The following RBFOX1 variants were observed in gnomAD, a reference collection of about 807,000 sequenced individuals.
RBFOX1 encodes RNA binding fox-1 homolog 1, also known as RNA binding protein fox-1 homolog 1.
RBFOX1 carries 8 observed loss-of-function variants against 57.7 expected under a neutral mutation model. The ratio of observed to expected loss-of-function variants is 0.14; its 90% CI spans 0.08 to 0.25. The LOEUF (loss-of-function observed/expected upper bound fraction) is 0.25, where lower values mean the gene tolerates loss of function less well. Among genes scored for constraint, RBFOX1 ranks in the 10% least tolerant of loss-of-function variants. The probability of loss-of-function intolerance (pLI) is 1.00; values close to 1 mark genes in which losing one functional copy is unlikely to be tolerated. For missense variants in RBFOX1, 611 were observed against 548.5 expected, an observed-to-expected ratio of 1.11 and a Z score of -1.14; for synonymous variants, 326 against 222.4, an observed-to-expected ratio of 1.47 and a Z score of -4.15.
chr16:6,164,973 A>G (rs7191108), intron 1 of RBFOX1, among the ~76,000 whole-genome samples: 14,441 of 152,180 alleles, frequency 0.095, 1,591 homozygotes, highest in African/African-American at 0.27. Context: ...CTCAATATGA[A>G]ATGGCATATT....
At chr16:7,244,247 C>CA (rs60054791) in intron 4 of RBFOX1, among the ~76,000 whole-genome samples, 4,638 of 97,642 alleles carry the variant, frequency 0.048, 66 homozygotes, top group East Asian at 0.078. Context: ...CAAAGTATTC[C>CA]AAAAAAAAAA....
At chr16:6,772,232 T>A (rs535412897) in intron 3 of RBFOX1, among the ~76,000 whole-genome samples, 38 of 152,216 alleles carry the variant, frequency 2.5e-4, no homozygotes, top group African/African-American at 8.7e-4. Context: ...GGGGAGTTTT[T>A]TTAATATCAT....
At position 5,539,497 on chromosome 16, in the gene RBFOX1, C is replaced by T. The variant is rs768998949; in HGVS notation, c.259-59405C>T. ...AAAAACACTTGTAATCCCAGCTACT[C>T]GGGAGGCTGAGGCAGGAGAATTGAA... On this transcript the variant is annotated intron_variant, in intron 2 of 2. Coordinates refer to the RBFOX1 transcript ENST00000585867. Among the ~76,000 whole-genome samples the T allele has an allele frequency of 3.3e-5, 5 of 151,908 alleles. No individual in the cohort carries two copies. In the East Asian group the frequency reaches 5.8e-4, roughly 18 times the overall value.
At chr16:5,773,931 A>T (rs1281035683) in intron 3 of RBFOX1, among the ~76,000 whole-genome samples, 1 of 152,092 alleles carries the variant, frequency 6.6e-6, no homozygotes, top group Non-Finnish European at 1.5e-5. Flanking sequence ...TGACCTCATG[A>T]TCTGCCTGCC....
chr16:7,154,766 G>A (rs1231792382), intron 4 of RBFOX1, among the ~76,000 whole-genome samples: 2 of 151,324 alleles, frequency 1.3e-5, no homozygotes, highest in Non-Finnish European at 2.9e-5. Context: ...TGTATACATG[G>A]AGCATCAGTG....
intron 3 of RBFOX1, among the ~76,000 whole-genome samples, chr16:5,723,571 C>G (rs1270855928): frequency 6.6e-6 from 1 of 151,954 alleles, no homozygotes; most frequent in Non-Finnish European, 1.5e-5. Flanking sequence ...GTAGTCAGCC[C>G]ACAGGAAACT....
At chr16:6,630,250 T>C (rs1291109559) in intron 2 of RBFOX1, among the ~76,000 whole-genome samples, 2 of 152,178 alleles carry the variant, frequency 1.3e-5, no homozygotes, top group African/African-American at 4.8e-5. Flanking sequence ...TTCATCCTTC[T>C]TCTCCTGCCT....
At chr16:6,259,284 A>G (rs1295686271) in intron 1 of RBFOX1, among the ~76,000 whole-genome samples, 1 of 152,054 alleles carries the variant, frequency 6.6e-6, no homozygotes, top group Non-Finnish European at 1.5e-5. Context: ...CATTTGCCAC[A>G]TGCTTTGCTG....
intron 4 of RBFOX1, among the ~76,000 whole-genome samples, chr16:7,342,375 G>A (rs750000859): frequency 1.3e-5 from 2 of 152,118 alleles, no homozygotes; most frequent in African/African-American, 2.4e-5. Flanking sequence ...TGTGTGATGC[G>A]GGGCTTCAGC....
intron 2 of RBFOX1, among the ~76,000 whole-genome samples, chr16:6,624,945 A>C (rs1044541909): frequency 6.6e-6 from 1 of 152,024 alleles, no homozygotes; most frequent in Non-Finnish European, 1.5e-5. Context: ...CAGGTGGATC[A>C]CTTGAGGTCA....
At chr16:6,395,379 G>C (rs1364903243) in intron 2 of RBFOX1, among the ~76,000 whole-genome samples, 2 of 152,134 alleles carry the variant, frequency 1.3e-5, no homozygotes, top group African/African-American at 2.4e-5. Flanking sequence ...TTTTATCCAT[G>C]CATTTTAATA....
chr16:5,529,111 C>A (rs1187765365), intron 2 of RBFOX1, among the ~76,000 whole-genome samples: 1 of 152,084 alleles, frequency 6.6e-6, no homozygotes, highest in Non-Finnish European at 1.5e-5. Flanking sequence ...GCACAAGTCA[C>A]ATTAATAGAG....
intron 4 of RBFOX1, among the ~76,000 whole-genome samples, chr16:7,204,617 G>T (rs1315915649): frequency 1.3e-5 from 2 of 152,184 alleles, no homozygotes; most frequent in Non-Finnish European, 1.5e-5. Context: ...TTGGACTTCA[G>T]CCTGGGCAAC....
intron 1 of RBFOX1, among the ~76,000 whole-genome samples, chr16:5,301,633 A>AAAC (rs2063808587): frequency 1.3e-5 from 2 of 149,210 alleles, no homozygotes; most frequent in Non-Finnish European, 3.0e-5. Context: ...AAAAAAAAAA[A>AAAC]AAAAACACAC....
intron 2 of RBFOX1, among the ~76,000 whole-genome samples, chr16:6,350,023 T>C (rs1331308837): frequency 6.6e-6 from 1 of 152,148 alleles, no homozygotes; most frequent in Non-Finnish European, 1.5e-5. Flanking sequence ...TTAATTACTT[T>C]GGTACGCTCA....
At chr16:5,602,555 A>T (rs2047400821), downstream of RBFOX1, among the ~76,000 whole-genome samples, 1 of 152,224 alleles carries the variant, frequency 6.6e-6, no homozygotes, top group Non-Finnish European at 1.5e-5. Context: ...TACAGCCTGT[A>T]TTATATGATT....
At chr16:7,069,277 G>C (rs896116663) in intron 4 of RBFOX1, among the ~76,000 whole-genome samples, 1 of 152,108 alleles carries the variant, frequency 6.6e-6, no homozygotes, top group Non-Finnish European at 1.5e-5. Flanking sequence ...ATGGTGTTTT[G>C]CTGCACCTGT....
rs1038179033 is a variant in RBFOX1, at chr16:7,186,286, A to T, written c.27+134188A>T. Among the ~76,000 whole-genome samples, 124 of 118,932 alleles carry T rather than the reference A, an allele frequency of 1.0e-3. 5 individuals are homozygous for T. The highest frequency in any genetic ancestry group is 4.4e-3 in the African/African-American group (121 of 27,798). The allele number at this position is 118,932 out of a possible 152,430, so 78.0% of individuals were successfully genotyped here. Reference sequence around the variant, plus strand: ...TATAAACATAAACATAAACATATTTATATAAATATAAACATAAACATATTT... The same window carrying T: ...TATAAACATAAACATAAACATATTTTTATAAATATAAACATAAACATATTT... On this transcript the variant is annotated intron_variant, in intron 4 of 15. Coordinates refer to ENST00000550418, the MANE Select transcript of RBFOX1 (RefSeq NM_018723.4).
In RBFOX1 at chr16:7,306,666, G is replaced by A. The variant is rs1352256270; in HGVS notation, c.28-211481G>A. On this transcript the variant is annotated intron_variant, in intron 4 of 15. Coordinates refer to ENST00000550418, the MANE Select transcript of RBFOX1 (RefSeq NM_018723.4). ...TAAAGGCAGTCATTTATTTTTGCCT[G>A]TTTCATTCAGAATTAGGTTTTCTAG... Among the ~76,000 whole-genome samples, 3 of 152,006 alleles carry A rather than the reference G, an allele frequency of 2.0e-5. No individual in the cohort carries two copies. The South Asian group carries it at 6.2e-4, about 32-fold the overall frequency.
Sources: allele counts gnomAD v4.1 joint callset (sites outside exome capture counted in the v4.1 genomes callset), GRCh38; gene constraint gnomAD v4.1.1; transcripts MANE v1.5; gene names NCBI Gene and HGNC (gene_info 2026-07-23, HGNC 2026-07-21).